Variants in MAD1L1 observed in about 807,000 individuals in gnomAD.
The protein encoded by MAD1L1 is mitotic spindle assembly checkpoint protein MAD1.
MAD1L1 carries 95 observed loss-of-function variants against 96.9 expected under a neutral mutation model. The observed-to-expected ratio is 0.98, with a 90% confidence interval of 0.83 to 1.16. MAD1L1 has a LOEUF of 1.16. Ranked by LOEUF, MAD1L1 falls within the 50% of genes most tolerant of loss-of-function variation. The pLI is 0.00. For synonymous variants in MAD1L1, 473 were observed against 396.6 expected (o/e 1.19, Z -2.29); for missense variants, 1,007 against 954.4 (o/e 1.06, Z -0.73).
At chr7:2,049,341 C>T (rs1784065009) in intron 12 of MAD1L1, among the ~76,000 whole-genome samples, 1 of 152,224 alleles carries the variant, frequency 6.6e-6, no homozygotes, top group Admixed American at 6.5e-5. Context: ...TTCCCGGTGC[C>T]CCGCCCAGGG....
intron 10 of MAD1L1, among the ~76,000 whole-genome samples, chr7:2,191,054 G>A (rs74673975): frequency 0.016 from 2,382 of 152,230 alleles, 28 homozygotes; most frequent in Non-Finnish European, 0.026. Flanking sequence ...GCAAAAAACC[G>A]GATTAAAAAT....
chr7:1,932,743 C>T (rs1789553649), intron 17 of MAD1L1, among the ~76,000 whole-genome samples: 1 of 152,360 alleles, frequency 6.6e-6, no homozygotes. Flanking sequence ...CAGGGAGCTG[C>T]GTCCTTCCTT....
intron 17 of MAD1L1, among the ~76,000 whole-genome samples, chr7:1,900,961 G>A (rs1222460705): frequency 2.6e-5 from 4 of 152,086 alleles, no homozygotes; most frequent in Admixed American, 6.5e-5. Context: ...CACCCATGCG[G>A]CTGGGAGCAG....
intron 14 of MAD1L1, among the ~76,000 whole-genome samples, chr7:1,995,020 G>T (rs1477375343): frequency 6.6e-6 from 1 of 152,206 alleles, no homozygotes; most frequent in African/African-American, 2.4e-5. Flanking sequence ...CGGTGTTCCT[G>T]TTAGGGCAGC....
Position 2,213,214 on chromosome 7 carries a change from G to C in MAD1L1, c.984C>G (p.Ile328Met). The change falls in exon 10 of 19, where the codon ATC becomes ATG. Residue 328 changes from isoleucine to methionine, a missense_variant and splice_region_variant. Physicochemically the swap from Ile to Met is conservative, Grantham distance 10. Transcript: ENST00000265854. Reference sequence around the variant, plus strand: ...CGGAGACACCTGCCCTTCCCTACCTGATGCTCAGGCCCATGGTCTGGTCCA... The same window carrying C: ...CGGAGACACCTGCCCTTCCCTACCTCATGCTCAGGCCCATGGTCTGGTCCA... ...ERLDQTMGLS[I>M]RTPEDLSRFV... 1 of 1,614,138 alleles carries C rather than the reference G, an allele frequency of 6.2e-7. No individual in the cohort carries two copies. Among genetic ancestry groups the C allele is most frequent in the Non-Finnish European group, 8.5e-7 (1 of 1,180,016 alleles).
chr7:1,831,674 T>A (rs1048125585), intron 18 of MAD1L1, among the ~76,000 whole-genome samples: 13 of 152,154 alleles, frequency 8.5e-5, no homozygotes, highest in Non-Finnish European at 1.8e-4. Context: ...AACGAACACA[T>A]GAATGATAAG....
chr7:2,014,815 G>C (rs892374465), intron 12 of MAD1L1, among the ~76,000 whole-genome samples, 173 bp from the exon 13 acceptor site: 8 of 152,198 alleles, frequency 5.3e-5, no homozygotes, highest in African/African-American at 1.7e-4. Flanking sequence ...GAGGGCCCCA[G>C]AGTTCAGCAT....
intron 12 of MAD1L1, among the ~76,000 whole-genome samples, chr7:2,048,669 C>G (rs981668625): frequency 6.6e-6 from 1 of 152,230 alleles, no homozygotes; most frequent in Non-Finnish European, 1.5e-5. Context: ...CCCCCTCCGC[C>G]CCTCTGTGAA....
chr7:2,003,645 G>A (rs1450976906), intron 13 of MAD1L1, among the ~76,000 whole-genome samples: 1 of 152,142 alleles, frequency 6.6e-6, no homozygotes, highest in Admixed American at 6.5e-5. Context: ...GGCCACCGGA[G>A]GGACCCCCAT....
intron 17 of MAD1L1, among the ~76,000 whole-genome samples, chr7:1,936,054 C>A (rs1778579725): frequency 6.6e-6 from 1 of 152,236 alleles, no homozygotes; most frequent in Admixed American, 6.5e-5. Flanking sequence ...GGGGTGCAGA[C>A]TGCACAGTGA....
chr7:1,986,852 G>A (rs894815023), intron 14 of MAD1L1, among the ~76,000 whole-genome samples: 26 of 152,094 alleles, frequency 1.7e-4, no homozygotes, highest in Admixed American at 1.7e-3. Flanking sequence ...AGACTCATAA[G>A]TAAGCTCCCA....
chr7:2,068,432 G>A (rs541743512), intron 12 of MAD1L1, among the ~76,000 whole-genome samples: 1 of 152,342 alleles, frequency 6.6e-6, no homozygotes, highest in East Asian at 1.9e-4. Context: ...ATCAAGAACA[G>A]GTAAACATCC....
At chr7:1,877,250 A>G (rs556926358) in intron 18 of MAD1L1, among the ~76,000 whole-genome samples, 22 of 152,332 alleles carry the variant, frequency 1.4e-4, no homozygotes, top group Middle Eastern at 6.8e-3. Flanking sequence ...TTACTGGCAC[A>G]CATTTGAGCT....
chr7:2,014,774 G>C, intron 12 of MAD1L1, 132 bp from the exon 13 acceptor site: 1 of 1,055,270 alleles, frequency 9.5e-7, no homozygotes, highest in Non-Finnish European at 1.3e-6. Flanking sequence ...CCAGCACTCA[G>C]AGCCCACCCC....
At chr7:2,068,675 T>C (rs953304098) in intron 12 of MAD1L1, among the ~76,000 whole-genome samples, 12 of 152,164 alleles carry the variant, frequency 7.9e-5, no homozygotes, top group Admixed American at 7.9e-4. Context: ...ACAAAAACCG[T>C]CTTTCATGCT....
chr7:1,895,819 C>G (rs547077964), intron 18 of MAD1L1, among the ~76,000 whole-genome samples: 1 of 152,262 alleles, frequency 6.6e-6, no homozygotes, highest in African/African-American at 2.4e-5. Flanking sequence ...CACATTCACA[C>G]GGGCCTTGGG....
At chr7:1,880,730 G>A (rs993222970) in intron 18 of MAD1L1, among the ~76,000 whole-genome samples, 1 of 152,228 alleles carries the variant, frequency 6.6e-6, no homozygotes, top group African/African-American at 2.4e-5. Context: ...GGCCCCTGAG[G>A]GCAGGCAAGC....
intron 11 of MAD1L1, among the ~76,000 whole-genome samples, chr7:2,075,018 G>A (rs539744000): frequency 1.4e-4 from 21 of 152,292 alleles, no homozygotes; most frequent in East Asian, 7.7e-4. Context: ...AACCAGGAAC[G>A]GCCTCTGCAC....
chr7:2,026,540 T>C (rs1253403070), intron 12 of MAD1L1, among the ~76,000 whole-genome samples: 3 of 152,218 alleles, frequency 2.0e-5, no homozygotes, highest in Non-Finnish European at 1.5e-5. Context: ...TGACTTCCGA[T>C]GGGGCCATAG....
Sources: allele counts gnomAD v4.1 joint callset (sites outside exome capture counted in the v4.1 genomes callset), GRCh38; gene constraint gnomAD v4.1.1; transcripts MANE v1.5; gene names NCBI Gene and HGNC (gene_info 2026-07-23, HGNC 2026-07-21).